OVCH1: variants seen among roughly 807,000 people sequenced by gnomAD.
OVCH1 encodes the protein ovochymase-1.
A neutral mutation model predicts 138.4 loss-of-function variants in OVCH1; 139 were observed. That is an observed-to-expected ratio of 1.00 (90% CI 0.87 to 1.16). The LOEUF is 1.16. Ranked by LOEUF, OVCH1 falls within the 50% of genes most tolerant of loss-of-function variation. The pLI is 0.00. For synonymous variants in OVCH1, 453 were observed against 467.8 expected (o/e 0.97, Z 0.41); for missense variants, 1,367 against 1,357.9 (o/e 1.01, Z -0.11).
At position 29,466,850 on chromosome 12, in the gene OVCH1, CTAATTCTTCCATT is replaced by C. The variant is rs552866851; in HGVS notation, c.1857-1644_1857-1632del. Among the ~76,000 whole-genome samples, 87 of 152,234 alleles carry C rather than the reference CTAATTCTTCCATT, an allele frequency of 5.7e-4. 1 individual carries two copies. The highest frequency in any genetic ancestry group is 2.1e-3 in the African/African-American group (86 of 41,552). ...ATACACTGTCACTTCTACTTGGAGACTAATTCTTCCATTTAATTCTTCCATTTCTTTAAACACT... is the reference window on the plus strand; with the variant it reads ...ATACACTGTCACTTCTACTTGGAGACTAATTCTTCCATTTCTTTAAACACT... On this transcript the variant is annotated intron_variant, in intron 16 of 27. Coordinates refer to ENST00000318184, the Ensembl canonical transcript of OVCH1.
At chr12:29,444,247 T>C (rs1175901270) in exon 24 of OVCH1, 8 of 1,612,358 alleles carry the variant, frequency 5.0e-6, no homozygotes, top group South Asian at 1.1e-5. Flanking sequence ...GTTTGAACTT[T>C]GGGAAAGTCT....
chr12:29,424,596 C>A (rs766602332), downstream of OVCH1, among the ~76,000 whole-genome samples: 9 of 152,194 alleles, frequency 5.9e-5, no homozygotes, highest in Non-Finnish European at 1.0e-4. Context: ...TTAGTGCTTA[C>A]AGGCACAGAT....
downstream of OVCH1, among the ~76,000 whole-genome samples, chr12:29,407,943 G>T (rs1410713934): frequency 2.0e-5 from 3 of 147,982 alleles, no homozygotes; most frequent in African/African-American, 7.3e-5. Flanking sequence ...CCATGAGCAT[G>T]GAATGTTCTT....
At chr12:29,453,151 A>T (rs1282878203) in intron 21 of OVCH1, among the ~76,000 whole-genome samples, 2 of 152,152 alleles carry the variant, frequency 1.3e-5, no homozygotes, top group African/African-American at 4.8e-5. Flanking sequence ...CATTTAACTC[A>T]GTCCATTGAA....
At chr12:29,411,847 G>A (rs1397181573), downstream of OVCH1, among the ~76,000 whole-genome samples, 5 of 151,540 alleles carry the variant, frequency 3.3e-5, no homozygotes, top group South Asian at 4.2e-4. Flanking sequence ...TGCCAGACAG[G>A]GACATTTCAG....
At chr12:29,428,769 G>C (rs7978026) in intron 27 of OVCH1, among the ~76,000 whole-genome samples, 26,268 of 152,148 alleles carry the variant, frequency 0.17, 2,534 homozygotes, top group African/African-American at 0.27. Flanking sequence ...CTCTTGACCT[G>C]TGCAATAAAT....
At position 29,414,274 on chromosome 12, in the gene OVCH1, C is replaced by G. The variant is rs149967470; in HGVS notation, c.*72-1549G>C. ...CTCCTGACCTCAGGTGATCCACCCC[C>G]CTCAGCCTCCCAAAGTGCTGGGATT... On this transcript the variant is annotated intron_variant and NMD_transcript_variant, in intron 3 of 4. Transcript: ENST00000539117. 6.3e-3 allele frequency among the ~76,000 whole-genome samples: 957 copies of G among 152,240 alleles called. 12 individuals carry two copies. The highest frequency in any genetic ancestry group is 0.022 in the African/African-American group (930 of 41,546).
chr12:29,461,791 T>C (rs763506481), intron 19 of OVCH1, 63 bp downstream of exon 19: 1 of 1,590,732 alleles, frequency 6.3e-7, no homozygotes, highest in Non-Finnish European at 8.6e-7. Flanking sequence ...TTCTCCTGTC[T>C]ATAGAAACTC....
chr12:29,497,292 G>A (rs1472032329), intron 1 of OVCH1, among the ~76,000 whole-genome samples: 1 of 136,336 alleles, frequency 7.3e-6, no homozygotes, highest in African/African-American at 3.5e-5. Context: ...AGATACTGAG[G>A]AATGACCTAT....
intron 22 of OVCH1, among the ~76,000 whole-genome samples, chr12:29,447,645 T>A (rs922717724): frequency 7.9e-5 from 12 of 152,112 alleles, no homozygotes; most frequent in South Asian, 2.1e-4. Flanking sequence ...AAGTTACTGA[T>A]GAAATGAAAG....
Position 29,476,837 on chromosome 12 carries a change from G to T in OVCH1, c.1377+265C>A, listed in dbSNP as rs1288684468. On this transcript the variant is annotated intron_variant, in intron 12 of 27. Coordinates refer to ENST00000318184, the Ensembl canonical transcript of OVCH1. ...AGTAAATGCTCAAAATACCTCCCAA[G>T]GACACTAGTAAGTTATCAGTGTTTG... Among the ~76,000 whole-genome samples, 5 of 149,564 alleles carry T rather than the reference G, an allele frequency of 3.3e-5. No individual in the cohort carries two copies. The East Asian group carries it at 7.9e-4, about 24-fold the overall frequency.
intron 25 of OVCH1, chr12:29,440,415 G>A (rs117119899): frequency 5.6e-6 from 1 of 178,536 alleles, no homozygotes. Flanking sequence ...TCCAATCTTT[G>A]TGTGCCCTTT....
chr12:29,428,766 C>T (rs537612909), intron 27 of OVCH1, among the ~76,000 whole-genome samples: 77 of 152,232 alleles, frequency 5.1e-4, no homozygotes, highest in Non-Finnish European at 1.0e-3. Flanking sequence ...CTCCTCTTGA[C>T]CTGTGCAATA....
In OVCH1 at chr12:29,440,768, T is replaced by TA. The variant is rs764584720; in HGVS notation, c.3158-1335dup. On this transcript the variant is annotated intron_variant, in intron 25 of 27. Coordinates refer to ENST00000318184, the Ensembl canonical transcript of OVCH1. ...TCCTAAATAGAAACACAAATATTCT[T>TA]AATGCACTTACTTCTAGGATGGTAT... 2.9e-4 allele frequency: 131 copies of TA among 455,830 alleles called. 2 individuals are homozygous for TA. The highest frequency in any genetic ancestry group is 2.0e-3 in the South Asian group (128 of 64,520). The allele number at this position is 455,830 out of a possible 1,614,324, so 28.2% of individuals were successfully genotyped here.
At chr12:29,457,779 A>G (rs1383876415) in intron 19 of OVCH1, among the ~76,000 whole-genome samples, 1 of 152,166 alleles carries the variant, frequency 6.6e-6, no homozygotes, top group Non-Finnish European at 1.5e-5. Context: ...CAGAGTATAA[A>G]CAAATAAGAT....
intron 1 of OVCH1, 141 bp downstream of exon 1, chr12:29,497,482 C>G: frequency 1.0e-6 from 1 of 981,032 alleles, no homozygotes; most frequent in Non-Finnish European, 1.5e-6. Flanking sequence ...TGAGCATGCA[C>G]CACCCCCTCA....
At chr12:29,492,966 G>A (rs1943312187) in intron 4 of OVCH1, among the ~76,000 whole-genome samples, 1 of 152,128 alleles carries the variant, frequency 6.6e-6, no homozygotes. Flanking sequence ...CAGAAAGATG[G>A]GAATTGCGAA....
intron 8 of OVCH1, among the ~76,000 whole-genome samples, chr12:29,481,403 TG>T (rs548998275): frequency 2.8e-4 from 43 of 152,312 alleles, no homozygotes; most frequent in Admixed American, 8.5e-4. Context: ...TTACTGCTAC[TG>T]AAAGTCTTAT....
chr12:29,496,539 G>A lies in OVCH1; in HGVS notation c.183+17C>T, dbSNP rs759802204. 1.1e-5 allele frequency: 17 copies of A among 1,528,760 alleles called. No homozygotes were observed. Among genetic ancestry groups the A allele is most frequent in the Admixed American group, 1.8e-5 (1 of 54,740 alleles). 94.7% of individuals were successfully genotyped at this position (1,528,760 alleles called of 1,614,324 possible). On this transcript the variant is annotated intron_variant, in intron 2 of 27. Transcript: ENST00000318184. Reference sequence around the variant, plus strand: ...ACTGTTTTCTCATTAAGAAATCAATGCCTTTGTTGCACTGACCTGCCATGG... The same window carrying A: ...ACTGTTTTCTCATTAAGAAATCAATACCTTTGTTGCACTGACCTGCCATGG...
Sources: allele counts gnomAD v4.1 joint callset (sites outside exome capture counted in the v4.1 genomes callset), GRCh38; gene constraint gnomAD v4.1.1; transcripts MANE v1.5; gene names NCBI Gene and HGNC (gene_info 2026-07-23, HGNC 2026-07-21).